Variants in BICRA observed in about 807,000 individuals in gnomAD.
BICRA encodes BRD4-interacting chromatin-remodeling complex-associated protein.
Under a neutral mutation model 96.9 loss-of-function variants are expected in BICRA, and 31 were observed. The ratio of observed to expected loss-of-function variants is 0.32; its 90% CI spans 0.24 to 0.43. The LOEUF (loss-of-function observed/expected upper bound fraction) is 0.43. BICRA is among the 20% of genes least tolerant of loss of function. The pLI is 1.00. For missense variants in BICRA, 2,283 were observed against 2,190.3 expected, an observed-to-expected ratio of 1.04 and a Z score of -0.84; for synonymous variants, 1,350 against 1,071.8, an observed-to-expected ratio of 1.26 and a Z score of -5.07.
intron 2 of BICRA, among the ~76,000 whole-genome samples, chr19:47,671,150 C>T (rs1356055600): frequency 6.6e-6 from 1 of 152,218 alleles, no homozygotes; most frequent in East Asian, 1.9e-4. Context: ...TTTTTCACAA[C>T]TTGATTCAGC....
chr19:47,608,547 A>G (rs1971842966), upstream of BICRA: 1 of 152,164 alleles, frequency 6.6e-6, no homozygotes, highest in Non-Finnish European at 1.5e-5. Flanking sequence ...CCCCAGCCGG[A>G]CCGGCGGTCT....
intron 1 of BICRA, among the ~76,000 whole-genome samples, chr19:47,638,057 T>G (rs1972326441): frequency 6.6e-6 from 1 of 152,178 alleles, no homozygotes; most frequent in Non-Finnish European, 1.5e-5. Flanking sequence ...GCTCTTCCAC[T>G]GTGCTCTCTC....
rs375647291 is a variant in BICRA at position 47,670,245 on chromosome 19, C to T, written c.-107-198C>T. Among the ~76,000 whole-genome samples the T allele has an allele frequency of 3.3e-5, 5 of 152,202 alleles. No individual in the cohort carries two copies. In the East Asian group the frequency reaches 5.8e-4, roughly 18 times the overall value. ...CTGAATTTACAGGCGTGAGCCACCGCGCCAGCCATTTTGTGTGATTCTAAA... is the reference window on the plus strand; with the variant it reads ...CTGAATTTACAGGCGTGAGCCACCGTGCCAGCCATTTTGTGTGATTCTAAA... On this transcript the variant is annotated intron_variant, in intron 1 of 14. Coordinates refer to ENST00000594866, the MANE Select transcript of BICRA (RefSeq NM_001394372.1).
chr19:47,668,150 A>T (rs1474314284), intron 1 of BICRA, among the ~76,000 whole-genome samples: 1 of 152,142 alleles, frequency 6.6e-6, no homozygotes, highest in Non-Finnish European at 1.5e-5. Context: ...GAATCGCTTG[A>T]ACCTGGGAAG....
chr19:47,699,286 C>T lies in BICRA; in HGVS notation c.3493-17C>T. 7 of 1,481,482 alleles carry T rather than the reference C, an allele frequency of 4.7e-6. No individual in the cohort carries two copies. The highest frequency in any genetic ancestry group is 6.5e-6 in the Non-Finnish European group (7 of 1,081,946). The allele number at this position is 1,481,482 out of a possible 1,614,324, so 91.8% of individuals were successfully genotyped here. ...TCTTGCTGGTTCACTCGCACGTCGTCTTTTCCCCCACCCCAGAGGGTGAGC... is the reference window on the plus strand; with the variant it reads ...TCTTGCTGGTTCACTCGCACGTCGTTTTTTCCCCCACCCCAGAGGGTGAGC... On this transcript the variant is annotated splice_polypyrimidine_tract_variant and intron_variant, in intron 13 of 14. Coordinates refer to ENST00000594866, the MANE Select transcript of BICRA (RefSeq NM_001394372.1). The surrounding 1 kb of genome is among the most constrained non-coding windows in gnomAD (Gnocchi z 5.0).
intron 7 of BICRA, among the ~76,000 whole-genome samples, chr19:47,685,784 T>TGCGCGCGC (rs1377559075): frequency 9.1e-4 from 105 of 115,482 alleles, no homozygotes; most frequent in East Asian, 7.0e-3. Context: ...TGTGTGTGTG[T>TGCGCGCGC]GTGCGCGCGC....
At chr19:47,660,935 C>T (rs890577879) in intron 1 of BICRA, among the ~76,000 whole-genome samples, 7 of 152,122 alleles carry the variant, frequency 4.6e-5, no homozygotes, top group Admixed American at 2.0e-4. Flanking sequence ...CTTTGCCGGG[C>T]GTGGTGGCTC....
intron 1 of BICRA, among the ~76,000 whole-genome samples, chr19:47,645,660 CT>C (rs1342370358): frequency 5.3e-5 from 8 of 152,200 alleles, no homozygotes; most frequent in African/African-American, 1.9e-4. Context: ...ACAAAAGTAG[CT>C]TGTAATCCTG....
chr19:47,679,697 T>C lies in BICRA; in HGVS notation c.527T>C (p.Leu176Pro), dbSNP rs1447046744. The C allele has an allele frequency of 6.5e-7, 1 of 1,532,874 alleles. No individual in the cohort carries two copies. Among genetic ancestry groups the C allele is most frequent in the Non-Finnish European group, 8.8e-7 (1 of 1,141,450 alleles). 95.0% of individuals were successfully genotyped at this position (1,532,874 alleles called of 1,614,324 possible). A position where few individuals can be genotyped will look rare whatever the true frequency, so the allele number is the denominator to read the frequency against. ...LLGLQGPPTV[L>P]THQALVPPQD... Reference sequence around the variant, plus strand: ...GGGCTGCAGGGCCCGCCTACCGTGCTGACCCACCAGGCCCTGGTGCCGCCC... The same window carrying C: ...GGGCTGCAGGGCCCGCCTACCGTGCCGACCCACCAGGCCCTGGTGCCGCCC... The change falls in exon 6 of 15, where the codon CTG (leucine) becomes CCG (proline). Residue 176 changes from leucine to proline, a missense_variant. Transcript: ENST00000594866.
At chr19:47,669,592 G>GTA in intron 1 of BICRA, among the ~76,000 whole-genome samples, 1 of 152,044 alleles carries the variant, frequency 6.6e-6, no homozygotes. Context: ...CATATATGTA[G>GTA]TATATATATG....
In BICRA at chr19:47,698,619, C is replaced by T. The variant is rs777829147; in HGVS notation, c.3249-15C>T. The T allele has an allele frequency of 3.6e-6, 5 of 1,377,300 alleles. No homozygotes were observed. The East Asian group carries it at 1.1e-4, about 32-fold the overall frequency. The allele number at this position is 1,377,300 out of a possible 1,614,324, so 85.3% of individuals were successfully genotyped here. On this transcript the variant is annotated splice_polypyrimidine_tract_variant and intron_variant, in intron 11 of 14. Coordinates refer to ENST00000594866, the MANE Select transcript of BICRA (RefSeq NM_001394372.1). This position sits in a 1 kb window ranked among gnomAD's most constrained non-coding sequence, Gnocchi z 4.8. ...ACCCTCCGCCGTGTGTGGTCTCTCC[C>T]CTTTCCACCCGCAGTTTCCTGGAGC...
intron 1 of BICRA, among the ~76,000 whole-genome samples, chr19:47,657,966 C>T (rs1026192616): frequency 1.2e-4 from 18 of 151,704 alleles, no homozygotes; most frequent in African/African-American, 4.1e-4. Context: ...TGCTAGGGAA[C>T]CTCTGATTCT....
At chr19:47,666,463 G>A (rs1184932208) in intron 1 of BICRA, among the ~76,000 whole-genome samples, 1 of 151,984 alleles carries the variant, frequency 6.6e-6, no homozygotes, top group Non-Finnish European at 1.5e-5. Flanking sequence ...TTTTAGTAGA[G>A]ACAAGGTTTC....
chr19:47,695,520 C>CGGGAACT lies in BICRA; in HGVS notation c.3186+57_3186+63dup, dbSNP rs1251738121. ...GGGTCAGGACAGGACCAGGAGTCTT[C>CGGGAACT]GGGAACTGGGAACTGGGGCTGGCAG... On this transcript the variant is annotated intron_variant, in intron 10 of 14. Coordinates refer to ENST00000594866, the MANE Select transcript of BICRA (RefSeq NM_001394372.1). 4 of 904,950 alleles carry CGGGAACT rather than the reference C, an allele frequency of 4.4e-6. No homozygotes were observed. In the African/African-American group the frequency reaches 5.0e-5, roughly 11 times the overall value. The allele number at this position is 904,950 out of a possible 1,614,324, so 56.1% of individuals were successfully genotyped here.
At chr19:47,674,126 T>C (rs565508321) in intron 4 of BICRA, among the ~76,000 whole-genome samples, 1 of 152,176 alleles carries the variant, frequency 6.6e-6, no homozygotes, top group South Asian at 2.1e-4. Context: ...GGAGGTAACA[T>C]TGAAGGTGAG....
intron 1 of BICRA, among the ~76,000 whole-genome samples, chr19:47,647,756 A>G (rs1376820167): frequency 6.6e-6 from 1 of 151,996 alleles, no homozygotes; most frequent in Non-Finnish European, 1.5e-5. Context: ...GTGCTTTTCC[A>G]TGGTGCCTGT....
Position 47,701,889 on chromosome 19 carries a change from C to G in BICRA, c.4157C>G (p.Pro1386Arg). 6.8e-7 allele frequency: 1 copy of G among 1,466,408 alleles called. No homozygotes were observed. Among genetic ancestry groups the G allele is most frequent in the South Asian group, 1.3e-5 (1 of 77,972 alleles). 90.8% of individuals were successfully genotyped at this position (1,466,408 alleles called of 1,614,324 possible). The change falls in exon 15 of 15, where the codon CCA (proline) becomes CGA (arginine). Residue 1386 changes from proline to arginine, a missense_variant. By Grantham distance (103) the Pro-to-Arg change is moderately radical (BLOSUM62 -2). Coordinates refer to ENST00000594866, the MANE Select transcript of BICRA (RefSeq NM_001394372.1). This position sits in a 1 kb window ranked among gnomAD's most constrained non-coding sequence, Gnocchi z 5.4. ...LGTAPHCPRL[P>R]LRKTYRENVG... Reference sequence around the variant, plus strand: ...ACCGCCCCGCACTGCCCGCGCCTGCCACTGCGCAAGACCTACCGCGAGAAC... The same window carrying G: ...ACCGCCCCGCACTGCCCGCGCCTGCGACTGCGCAAGACCTACCGCGAGAAC...
rs555992857 is a variant in BICRA at position 47,660,718 on chromosome 19, G to C, written c.-107-9725G>C. On this transcript the variant is annotated intron_variant, in intron 1 of 14. Coordinates refer to ENST00000594866, the MANE Select transcript of BICRA (RefSeq NM_001394372.1). ...TTGTAGTACACCCCTGCTGTGGGGG[G>C]TGGAGGGAGAGATGGCCAGGCTGGC... Among the ~76,000 whole-genome samples the C allele has an allele frequency of 3.4e-4, 52 of 152,298 alleles. 1 individual carries two copies. Among genetic ancestry groups the C allele is most frequent in the Admixed American group, 1.4e-3 (21 of 15,290 alleles).
intron 10 of BICRA, among the ~76,000 whole-genome samples, chr19:47,695,920 G>A (rs1442573998): frequency 6.6e-6 from 1 of 152,052 alleles, no homozygotes; most frequent in African/African-American, 2.4e-5. Context: ...ACTTGTAGAT[G>A]TAAGACGTGG....
Sources: gnomAD v4.1 joint callset for allele counts (sites outside exome capture counted in the v4.1 genomes callset) on GRCh38, gnomAD v4.1.1 for gene constraint, Gnocchi (gnomAD v3.1) non-coding constraint, MANE v1.5 for transcripts, NCBI Gene and HGNC (gene_info 2026-07-23, HGNC 2026-07-21) for gene names.